CTTNBP2: variants seen among roughly 807,000 people sequenced by gnomAD.
CTTNBP2 encodes cortactin binding protein 2, also known as cortactin-binding protein 2.
Under a neutral mutation model 156.9 loss-of-function variants are expected in CTTNBP2, and 108 were observed. That is an observed-to-expected ratio of 0.69 (90% CI 0.59 to 0.81). The LOEUF (loss-of-function observed/expected upper bound fraction) is 0.81, where lower values mean the gene tolerates loss of function less well. Ranked by LOEUF, CTTNBP2 falls within the 30% of genes least tolerant of loss-of-function variation. CTTNBP2 has a pLI of 0.00. For synonymous variants in CTTNBP2, 767 were observed against 751.8 expected, an observed-to-expected ratio of 1.02 and a Z score of -0.33; for missense variants, 1,924 against 2,035.4, an observed-to-expected ratio of 0.95 and a Z score of 1.05.
intron 9 of CTTNBP2, among the ~76,000 whole-genome samples, chr7:117,762,274 CT>C (rs1797253746): frequency 6.6e-6 from 1 of 152,172 alleles, no homozygotes; most frequent in South Asian, 2.1e-4. Context: ...GACTTGACAT[CT>C]CCACACAGAT....
rs1796314217 is a variant in CTTNBP2 at position 117,746,060 on chromosome 7, C to T, written c.3388G>A (p.Gly1130Arg). The part of the protein sequence containing the change: ...YHNVIFHGPE[G>R]SLQDYIVHQL... ...TGTACTATGTAGTCTTGCAAGCTTC[C>T]TTCTGGGCCGTGGAAAATGACATTA... Residue 1130 changes from glycine to arginine, a missense_variant, in exon 13 of 23, where the codon GGA becomes AGA. Physicochemically the swap from Gly to Arg is moderately radical, Grantham distance 125 (BLOSUM62 -2). Coordinates refer to ENST00000160373, the MANE Select transcript of CTTNBP2 (RefSeq NM_033427.3). 1 of 1,614,094 alleles carries T rather than the reference C, an allele frequency of 6.2e-7. No individual in the cohort carries two copies. The highest frequency in any genetic ancestry group is 2.2e-5 in the East Asian group (1 of 44,872).
intron 4 of CTTNBP2, among the ~76,000 whole-genome samples, chr7:117,790,434 T>TA (rs1427916752): frequency 1.3e-5 from 2 of 152,198 alleles, no homozygotes; most frequent in African/African-American, 4.8e-5. Context: ...AGTGACTTCA[T>TA]AAGCCACACC....
intron 2 of CTTNBP2, among the ~76,000 whole-genome samples, chr7:117,840,941 A>G (rs1232730496): frequency 1.3e-5 from 2 of 152,230 alleles, no homozygotes; most frequent in Non-Finnish European, 2.9e-5. Flanking sequence ...GCTATTAAAA[A>G]TTATTAAAAA....
intron 7 of CTTNBP2, among the ~76,000 whole-genome samples, chr7:117,778,814 G>A (rs955719445): frequency 6.6e-6 from 1 of 152,052 alleles, no homozygotes; most frequent in African/African-American, 2.4e-5. Flanking sequence ...TGGTGATTTG[G>A]TGATTTTGGC....
intron 3 of CTTNBP2, among the ~76,000 whole-genome samples, chr7:117,795,899 C>G (rs1432030731): frequency 6.6e-6 from 1 of 152,182 alleles, no homozygotes; most frequent in Non-Finnish European, 1.5e-5. Flanking sequence ...AACTCAAACT[C>G]TGACTCCCAA....
chr7:117,817,087 G>C (rs13242822), intron 2 of CTTNBP2, among the ~76,000 whole-genome samples: 93,881 of 150,816 alleles, frequency 0.62, 29,269 homozygotes, highest in East Asian at 0.72. Context: ...CCTGTAATCC[G>C]AGCACTTTGG....
intron 16 of CTTNBP2, among the ~76,000 whole-genome samples, chr7:117,729,513 C>T (rs1327312956): frequency 6.6e-6 from 1 of 151,950 alleles, no homozygotes; most frequent in Admixed American, 6.6e-5. Flanking sequence ...TTTGTTATTG[C>T]TGCTAAGAAG....
intron 2 of CTTNBP2, among the ~76,000 whole-genome samples, chr7:117,858,886 C>T (rs1803511359): frequency 6.6e-6 from 1 of 152,104 alleles, no homozygotes; most frequent in South Asian, 2.1e-4. Context: ...AGAAAATCAC[C>T]TCACCCACCA....
chr7:117,794,935 G>C (rs1233886384), intron 3 of CTTNBP2, among the ~76,000 whole-genome samples: 2 of 142,726 alleles, frequency 1.4e-5, no homozygotes, highest in African/African-American at 5.2e-5. Context: ...TCGCCCAGGC[G>C]GGACTGCGGA....
intron 4 of CTTNBP2, among the ~76,000 whole-genome samples, chr7:117,787,116 G>A (rs1019610300): frequency 1.3e-5 from 2 of 152,060 alleles, no homozygotes; most frequent in African/African-American, 4.8e-5. Flanking sequence ...CTAAATATGG[G>A]AAAAATAGGA....
At position 117,760,183 on chromosome 7, in the gene CTTNBP2, C is replaced by CA. The variant is rs1797121565; in HGVS notation, c.3172+251dup. 1.5e-5 allele frequency: 8 copies of CA among 521,974 alleles called. No homozygotes were observed. The East Asian group carries it at 2.5e-4, about 16-fold the overall frequency. 32.3% of individuals were successfully genotyped at this position (521,974 alleles called of 1,614,324 possible). ...ATTTATCTAGAATAGCAAGTGCAAT[C>CA]ACAAAGCCTCATCAACGGCTTTCAT... On this transcript the variant is annotated intron_variant, in intron 10 of 22. Coordinates refer to ENST00000160373, the MANE Select transcript of CTTNBP2 (RefSeq NM_033427.3).
At chr7:117,873,268 G>A in intron 1 of CTTNBP2, 67 bp downstream of exon 1, 1 of 1,201,302 alleles carries the variant, frequency 8.3e-7, no homozygotes, top group Non-Finnish European at 1.1e-6. Flanking sequence ...GGGTCCGGCT[G>A]GGACCCCGGC....
At position 117,735,423 on chromosome 7, in the gene CTTNBP2, T is replaced by C; in HGVS notation, c.3536-2A>G. 6.3e-7 allele frequency: 1 copy of C among 1,586,838 alleles called. No homozygotes were observed. Among genetic ancestry groups the C allele is most frequent in the African/African-American group, 1.4e-5 (1 of 73,074 alleles). On this transcript the variant is annotated splice_acceptor_variant, in intron 14 of 22. Coordinates refer to ENST00000160373, the MANE Select transcript of CTTNBP2 (RefSeq NM_033427.3). LOFTEE classifies it high-confidence loss of function. Reference sequence around the variant, plus strand: ...ATTGTTTCACTGGGATCAGACAAGCTATAATAAAAAAGGAAATTCAGTGAT... The same window carrying C: ...ATTGTTTCACTGGGATCAGACAAGCCATAATAAAAAAGGAAATTCAGTGAT...
intron 3 of CTTNBP2, among the ~76,000 whole-genome samples, chr7:117,798,446 CA>C (rs1299861400): frequency 2.6e-5 from 4 of 151,950 alleles, no homozygotes; most frequent in Non-Finnish European, 4.4e-5. Flanking sequence ...AAGAAAACCT[CA>C]AAATTCAAAA....
chr7:117,805,407 GT>G (rs1240938815), intron 3 of CTTNBP2, among the ~76,000 whole-genome samples: 1 of 152,182 alleles, frequency 6.6e-6, no homozygotes, highest in Non-Finnish European at 1.5e-5. Flanking sequence ...AGTTAAGTAT[GT>G]GGACTCTGAA....
chr7:117,734,383 A>G (rs773828771), intron 16 of CTTNBP2, among the ~76,000 whole-genome samples: 2 of 152,228 alleles, frequency 1.3e-5, no homozygotes, highest in African/African-American at 4.8e-5. Context: ...ATAATGATGT[A>G]TTCGATTTGG....
At chr7:117,778,271 G>T (rs1284079538) in intron 7 of CTTNBP2, among the ~76,000 whole-genome samples, 1 of 152,128 alleles carries the variant, frequency 6.6e-6, no homozygotes. Flanking sequence ...ATAGGGAAAA[G>T]GTAGACATAA....
In CTTNBP2 at chr7:117,861,245, C is replaced by T; in HGVS notation, c.153G>A (p.Glu51=). 6.2e-7 allele frequency: 1 copy of T among 1,613,726 alleles called. No homozygotes were observed. Among genetic ancestry groups the T allele is most frequent in the Non-Finnish European group, 8.5e-7 (1 of 1,179,816 alleles). ...CGATGACAAGGTCTCTGGCCTCCAG[C>T]TCCCCTTCCATCACGCTGAGGAGCA... The part of the protein sequence containing the change: ...LRMLLSVMEG[E]LEARDLVIEA... The change falls in exon 2 of 23, where the codon GAG becomes GAA. Residue 51 remains glutamate (E), a synonymous_variant. Transcript: ENST00000160373.
chr7:117,860,180 G>A (rs1226991766), intron 2 of CTTNBP2, among the ~76,000 whole-genome samples: 1 of 151,672 alleles, frequency 6.6e-6, no homozygotes, highest in Non-Finnish European at 1.5e-5. Context: ...AAATGACCAA[G>A]AACCAAAAAA....
Sources: allele counts gnomAD v4.1 joint callset (sites outside exome capture counted in the v4.1 genomes callset), GRCh38; gene constraint gnomAD v4.1.1; transcripts MANE v1.5; gene names NCBI Gene and HGNC (gene_info 2026-07-23, HGNC 2026-07-21).